Variants in AGBL3 observed in about 807,000 individuals in gnomAD.
AGBL3 encodes the protein AGBL carboxypeptidase 3, also known as cytosolic carboxypeptidase 3.
AGBL3 carries 68 observed loss-of-function variants against 94.5 expected under a neutral mutation model. The observed-to-expected ratio is 0.72, with a 90% CI of 0.59 to 0.88. The LOEUF (loss-of-function observed/expected upper bound fraction) is 0.88, where lower values mean the gene tolerates loss of function less well. AGBL3 is among the 40% of genes least tolerant of loss of function. The probability of loss-of-function intolerance (pLI) is 0.00; values close to 1 mark genes in which losing one functional copy is unlikely to be tolerated. For missense variants in AGBL3, 934 were observed against 1,103.8 expected (o/e 0.85, Z 2.18); for synonymous variants, 354 against 370.7 (o/e 0.95, Z 0.52).
At chr7:135,041,427 T>C (rs1320446029) in intron 8 of AGBL3, among the ~76,000 whole-genome samples, 1 of 152,178 alleles carries the variant, frequency 6.6e-6, no homozygotes, top group African/African-American at 2.4e-5. Context: ...AAAGCAGTGG[T>C]ACAGAATAGC....
chr7:135,019,345 T>G (rs1814160154), intron 5 of AGBL3, among the ~76,000 whole-genome samples: 1 of 152,216 alleles, frequency 6.6e-6, no homozygotes, highest in Non-Finnish European at 1.5e-5. Context: ...ACTTTTAAAC[T>G]TCTATGAAGT....
intron 5 of AGBL3, among the ~76,000 whole-genome samples, chr7:135,023,708 T>G (rs955131013): frequency 6.6e-6 from 1 of 152,150 alleles, no homozygotes; most frequent in Non-Finnish European, 1.5e-5. Context: ...GGGCTGACTA[T>G]CCTATCCCAT....
intron 15 of AGBL3, among the ~76,000 whole-genome samples, chr7:135,103,572 C>T (rs189174868): frequency 7.9e-4 from 120 of 152,284 alleles, no homozygotes; most frequent in Admixed American, 1.6e-3. Flanking sequence ...CTTCAAGTTT[C>T]TGACATATGG....
intron 3 of AGBL3, among the ~76,000 whole-genome samples, chr7:134,990,304 T>C (rs1266023600): frequency 6.6e-6 from 1 of 152,214 alleles, no homozygotes; most frequent in Non-Finnish European, 1.5e-5. Context: ...GTGATTTGCG[T>C]TCCCTCCCCT....
intron 3 of AGBL3, 107 bp downstream of exon 3, chr7:134,989,417 T>C (rs932228525): frequency 1.6e-5 from 12 of 761,456 alleles, no homozygotes; most frequent in Non-Finnish European, 2.4e-5. Context: ...GAATGATTAT[T>C]CTAGTAGATT....
intron 12 of AGBL3, among the ~76,000 whole-genome samples, chr7:135,059,753 A>G (rs1450178084): frequency 1.3e-5 from 2 of 152,200 alleles, no homozygotes; most frequent in East Asian, 3.8e-4. Flanking sequence ...GCGGGAATAA[A>G]GAGTTTAGGT....
Position 135,034,336 on chromosome 7 carries a change from G to C in AGBL3, c.745G>C (p.Ala249Pro). Residue 249 changes from alanine (A) to proline (P), a missense_variant, in exon 7 of 17, where the codon GCC (alanine) becomes CCC (proline). Around this residue, in one of 3 missense-constraint regions of AGBL3, gnomAD observed 488 missense variants for 563.6 expected, o/e 0.87. Transcript: ENST00000436302. ...MRPLFYSEKE[A>P]KAHHIGWQRI... The stretch of plus-strand genomic sequence containing the variant: ...CCCACTGTTCTATTCTGAAAAAGAG[G>C]CCAAGGCTCATCACATTGGCTGGCA... 1 of 1,551,662 alleles carries C rather than the reference G, an allele frequency of 6.4e-7. No homozygotes were observed. The highest frequency in any genetic ancestry group is 1.2e-5 in the South Asian group (1 of 84,056).
intron 15 of AGBL3, among the ~76,000 whole-genome samples, chr7:135,097,478 A>G (rs1009040651): frequency 6.6e-6 from 1 of 152,174 alleles, no homozygotes; most frequent in African/African-American, 2.4e-5. Flanking sequence ...AAAACTAACT[A>G]GACTTTGCTC....
chr7:135,042,535 A>G (rs182857675), intron 8 of AGBL3, among the ~76,000 whole-genome samples: 8 of 152,302 alleles, frequency 5.3e-5, no homozygotes, highest in African/African-American at 1.9e-4. Flanking sequence ...GGGTGTGACT[A>G]TAACTATCCT....
chr7:135,094,789 T>C lies in AGBL3; in HGVS notation c.2110+12999T>C, dbSNP rs139356743. Among the ~76,000 whole-genome samples the C allele has an allele frequency of 7.2e-5, 11 of 152,318 alleles. No individual in the cohort carries two copies. In the East Asian group the frequency reaches 1.9e-3, roughly 27 times the overall value. ...AGAGGAGCAAGAGGCCTTACATTTA[T>C]AGGAATTTATTCAGATTACATAAGT... On this transcript the variant is annotated intron_variant, in intron 15 of 16. Transcript: ENST00000436302.
intron 16 of AGBL3, among the ~76,000 whole-genome samples, chr7:135,132,567 CA>C (rs986065340): frequency 2.0e-5 from 3 of 152,118 alleles, no homozygotes; most frequent in African/African-American, 7.2e-5. Flanking sequence ...TGTCCCCACC[CA>C]AATCTCACCT....
At chr7:135,090,031 T>C (rs1821646277) in intron 15 of AGBL3, among the ~76,000 whole-genome samples, 1 of 152,182 alleles carries the variant, frequency 6.6e-6, no homozygotes, top group African/African-American at 2.4e-5. Flanking sequence ...TAAGCTGGAC[T>C]CAGCACTGGC....
At chr7:135,059,061 C>A in intron 11 of AGBL3, 108 bp from the exon 12 acceptor site, 1 of 910,146 alleles carries the variant, frequency 1.1e-6, no homozygotes, top group Non-Finnish European at 1.7e-6. Context: ...CCGGCCACTT[C>A]TTATAATTAG....
At chr7:135,045,722 G>T in intron 10 of AGBL3, 77 bp from the exon 11 acceptor site, 1 of 1,330,926 alleles carries the variant, frequency 7.5e-7, no homozygotes, top group South Asian at 1.4e-5. Context: ...ATTGTTCCAG[G>T]TGTCTATAAA....
chr7:135,100,937 G>A (rs1790285696), intron 15 of AGBL3, among the ~76,000 whole-genome samples: 1 of 152,158 alleles, frequency 6.6e-6, no homozygotes, highest in African/African-American at 2.4e-5. Context: ...TCATGAGACT[G>A]ATCAGAGCAC....
At chr7:135,073,512 A>AAACAAACG (rs147975473) in intron 12 of AGBL3, among the ~76,000 whole-genome samples, 4 of 144,236 alleles carry the variant, frequency 2.8e-5, no homozygotes, top group African/African-American at 5.1e-5. Flanking sequence ...ATAAATAAAT[A>AAACAAACG]AACCTTGCAG....
Position 135,032,067 on chromosome 7 carries a change from C to G in AGBL3, c.419-777C>G, listed in dbSNP as rs149191340. Among the ~76,000 whole-genome samples the G allele has an allele frequency of 7.6e-3, 1,151 of 152,288 alleles. 16 individuals carry two copies. The highest frequency in any genetic ancestry group is 0.026 in the African/African-American group (1,095 of 41,562). On this transcript the variant is annotated intron_variant, in intron 5 of 16. Coordinates refer to ENST00000436302, the MANE Select transcript of AGBL3 (RefSeq NM_178563.4). ...CTGTCATACTGTTCTAAAATGCCAC[C>G]TCCCTAGGCTGTAGTCCAGCAAGTA...
chr7:135,033,097 T>C (rs1815942864), intron 6 of AGBL3, 115 bp downstream of exon 6: 1 of 1,043,704 alleles, frequency 9.6e-7, no homozygotes, highest in East Asian at 2.8e-5. Context: ...GAAGTATGGA[T>C]ACTATTAATA....
At chr7:135,124,220 C>CA (rs369396148) in intron 16 of AGBL3, among the ~76,000 whole-genome samples, 57,594 of 138,040 alleles carry the variant, frequency 0.42, 11,707 homozygotes, top group South Asian at 0.53. Context: ...AAATGGAAAG[C>CA]AAAAAAAAAA....
Sources: allele counts gnomAD v4.1 joint callset (sites outside exome capture counted in the v4.1 genomes callset), GRCh38; gene constraint gnomAD v4.1.1; regional missense constraint gnomAD v4.1.1; transcripts MANE v1.5; gene names NCBI Gene and HGNC (gene_info 2026-07-23, HGNC 2026-07-21).